Variants in ANKS1B observed in about 807,000 individuals in gnomAD.
ANKS1B encodes ankyrin repeat and sterile alpha motif domain containing 1B.
Under a neutral mutation model 148.3 loss-of-function variants are expected in ANKS1B, and 36 were observed. The ratio of observed to expected loss-of-function variants is 0.24; its 90% CI spans 0.19 to 0.32. ANKS1B has a LOEUF of 0.32. ANKS1B is among the 10% of genes least tolerant of loss of function. ANKS1B has a pLI of 1.00. For synonymous variants in ANKS1B, 542 were observed against 560.8 expected, an observed-to-expected ratio of 0.97 and a Z score of 0.47; for missense variants, 1,157 against 1,542.6, an observed-to-expected ratio of 0.75 and a Z score of 4.19.
Position 99,780,524 on chromosome 12 carries a change from T to C in ANKS1B, c.746-552A>G, listed in dbSNP as rs1224943683. Among the ~76,000 whole-genome samples the C allele has an allele frequency of 5.9e-5, 9 of 152,170 alleles. No individual in the cohort carries two copies. In the South Asian group the frequency reaches 6.2e-4, roughly 11 times the overall value. On this transcript the variant is annotated intron_variant, in intron 5 of 26. Coordinates refer to ENST00000683438, the MANE Select transcript of ANKS1B (RefSeq NM_001352186.2). ...GTCTCGATATCCTGACCTCGTGATC[T>C]GCCCACCTTGGCCTCCCAAAGTGCT...
At chr12:99,114,317 C>T (rs1290008313) in intron 15 of ANKS1B, among the ~76,000 whole-genome samples, 3 of 152,178 alleles carry the variant, frequency 2.0e-5, no homozygotes, top group Non-Finnish European at 2.9e-5. Flanking sequence ...TTGTTCAGCT[C>T]GTTAGCCCAG....
chr12:99,370,569 C>T (rs2093073292), intron 12 of ANKS1B, among the ~76,000 whole-genome samples: 1 of 152,172 alleles, frequency 6.6e-6, no homozygotes, highest in Admixed American at 6.5e-5. Flanking sequence ...AGTCACAGCA[C>T]ATTTTCCCAG....
intron 17 of ANKS1B, among the ~76,000 whole-genome samples, chr12:98,869,688 T>C (rs1035700244): frequency 6.6e-6 from 1 of 151,900 alleles, no homozygotes; most frequent in Non-Finnish European, 1.5e-5. Flanking sequence ...TGCATACATA[T>C]GTATGTGTGT....
rs368474486 is a variant in ANKS1B at position 99,257,955 on chromosome 12, G to C, written c.1757-11091C>G. Reference sequence around the variant, plus strand: ...TCAGATGTTTTTAGAGAGCAAGAGTGACTGGAGCAGGCAATGTCTCAAGAA... The same window carrying C: ...TCAGATGTTTTTAGAGAGCAAGAGTCACTGGAGCAGGCAATGTCTCAAGAA... On this transcript the variant is annotated intron_variant, in intron 12 of 26. Coordinates refer to ENST00000683438, the MANE Select transcript of ANKS1B (RefSeq NM_001352186.2). 1.8e-3 allele frequency among the ~76,000 whole-genome samples: 267 copies of C among 152,288 alleles called. 2 individuals carry two copies. Among genetic ancestry groups the C allele is most frequent in the African/African-American group, 6.2e-3 (257 of 41,570 alleles).
chr12:99,482,914 T>G (rs2096434557), intron 10 of ANKS1B, among the ~76,000 whole-genome samples: 1 of 151,958 alleles, frequency 6.6e-6, no homozygotes. Flanking sequence ...TTTTGGAGAG[T>G]TTTTAGAATA....
At chr12:99,022,281 A>G (rs1369397831) in intron 17 of ANKS1B, among the ~76,000 whole-genome samples, 3 of 152,140 alleles carry the variant, frequency 2.0e-5, no homozygotes, top group Non-Finnish European at 2.9e-5. Flanking sequence ...CTGGTTGGAG[A>G]GGATCAGGAT....
chr12:99,476,744 C>T (rs1220128024), intron 10 of ANKS1B, among the ~76,000 whole-genome samples: 1 of 152,046 alleles, frequency 6.6e-6, no homozygotes, highest in Non-Finnish European at 1.5e-5. Flanking sequence ...CAAATTACCC[C>T]AAAACTTAAA....
rs1411662919 is a variant in ANKS1B at position 98,801,779 on chromosome 12, A to G, written c.3142-654T>C. On this transcript the variant is annotated intron_variant, in intron 20 of 26. Coordinates refer to ENST00000683438, the MANE Select transcript of ANKS1B (RefSeq NM_001352186.2). This position sits in a 1 kb window ranked among gnomAD's most constrained non-coding sequence, Gnocchi z 5.2. ...AAACAGTGAAATGCCAAGTTTGGTC[A>G]CATGTACATAGGCATGTACTTTGAG... is the stretch of plus-strand genomic sequence containing the variant. 6.6e-6 allele frequency among the ~76,000 whole-genome samples: 1 copy of G among 152,258 alleles called. No homozygotes were observed. The highest frequency in any genetic ancestry group is 1.5e-5 in the Non-Finnish European group (1 of 68,048).
In ANKS1B at chr12:99,351,282, G is replaced by T. The variant is rs554058891; in HGVS notation, c.1756+48349C>A. Among the ~76,000 whole-genome samples, 5 of 152,078 alleles carry T rather than the reference G, an allele frequency of 3.3e-5. No individual in the cohort carries two copies. In the South Asian group the frequency reaches 1.0e-3, roughly 32 times the overall value. On this transcript the variant is annotated intron_variant, in intron 12 of 26. Transcript: ENST00000683438. ...CGATGATCAACTCTCAGAGGCCAAG[G>T]CCCACTAAACTAACTATATACTAAA...
At chr12:98,760,053 CATAG>C (rs774029163) in intron 25 of ANKS1B, among the ~76,000 whole-genome samples, 5 of 152,160 alleles carry the variant, frequency 3.3e-5, no homozygotes, top group East Asian at 1.9e-4. Flanking sequence ...TACATATACA[CATAG>C]ATAGGATCTG....
At chr12:98,909,214 T>C (rs1035864848) in intron 17 of ANKS1B, among the ~76,000 whole-genome samples, 1 of 152,224 alleles carries the variant, frequency 6.6e-6, no homozygotes, top group Non-Finnish European at 1.5e-5. Context: ...TCTGTTTGGT[T>C]TCTATTCTTC....
At chr12:98,947,011 A>G (rs2099846536) in intron 17 of ANKS1B, among the ~76,000 whole-genome samples, 1 of 147,634 alleles carries the variant, frequency 6.8e-6, no homozygotes, top group African/African-American at 2.5e-5. Flanking sequence ...ATTTGTGGAT[A>G]TTTGGAGAAG....
chr12:99,802,041 G>A (rs1448003459), intron 4 of ANKS1B, among the ~76,000 whole-genome samples: 1 of 152,174 alleles, frequency 6.6e-6, no homozygotes, highest in Admixed American at 6.5e-5. Context: ...AAATCAGAGA[G>A]TAAATGGATT....
At chr12:99,103,629 C>T (rs192555243) in intron 15 of ANKS1B, among the ~76,000 whole-genome samples, 13 of 152,276 alleles carry the variant, frequency 8.5e-5, no homozygotes, top group Admixed American at 7.2e-4. Flanking sequence ...TCATGATACC[C>T]TTTCCTATCT....
chr12:98,894,099 G>A (rs1345661153), intron 17 of ANKS1B, among the ~76,000 whole-genome samples: 2 of 152,086 alleles, frequency 1.3e-5, no homozygotes, highest in South Asian at 2.1e-4. Context: ...CCATGCCCAC[G>A]TCCCCCTCTA....
intron 17 of ANKS1B, among the ~76,000 whole-genome samples, chr12:98,841,096 G>A (rs2099403329): frequency 6.6e-6 from 1 of 152,070 alleles, no homozygotes; most frequent in Admixed American, 6.6e-5. Context: ...AACCATGCAG[G>A]ATATTTACTG....
intron 16 of ANKS1B, among the ~76,000 whole-genome samples, chr12:99,078,956 G>C (rs186061373): frequency 6.6e-6 from 1 of 152,282 alleles, no homozygotes; most frequent in African/African-American, 2.4e-5. Context: ...TTGTTCTGTT[G>C]AAGCTAGCTG....
chr12:99,645,012 C>T (rs1039533747), intron 9 of ANKS1B, among the ~76,000 whole-genome samples: 1 of 152,168 alleles, frequency 6.6e-6, no homozygotes, highest in African/African-American at 2.4e-5. Context: ...GATAACACCC[C>T]CAATTCAGAT....
intron 15 of ANKS1B, among the ~76,000 whole-genome samples, chr12:99,134,169 C>T (rs944739252): frequency 2.6e-5 from 4 of 152,056 alleles, no homozygotes; most frequent in Non-Finnish European, 4.4e-5. Flanking sequence ...AAAGAAGGAA[C>T]GTGTTACTGT....
Sources: allele counts gnomAD v4.1 joint callset (sites outside exome capture counted in the v4.1 genomes callset), GRCh38; gene constraint gnomAD v4.1.1; non-coding constraint Gnocchi (gnomAD v3.1); transcripts MANE v1.5; gene names NCBI Gene and HGNC (gene_info 2026-07-23, HGNC 2026-07-21).